The following RNF144B variants were observed in gnomAD, a reference collection of about 807,000 sequenced individuals.
The protein encoded by RNF144B is ring finger protein 144B.
RNF144B carries 25 observed loss-of-function variants against 40.2 expected under a neutral mutation model. The observed-to-expected ratio is 0.62, with a 90% CI of 0.45 to 0.87. The LOEUF (loss-of-function observed/expected upper bound fraction) is 0.87, where lower values mean the gene tolerates loss of function less well. Ranked by LOEUF, RNF144B falls within the 40% of genes least tolerant of loss-of-function variation. RNF144B has a pLI of 0.00. For synonymous variants in RNF144B, 145 were observed against 136.3 expected (o/e 1.06, Z -0.44); for missense variants, 365 against 373.7 (o/e 0.98, Z 0.19).
chr6:18,389,278 A>G (rs1173246668), intron 1 of RNF144B, among the ~76,000 whole-genome samples: 1 of 152,178 alleles, frequency 6.6e-6, no homozygotes, highest in Non-Finnish European at 1.5e-5. Flanking sequence ...TTTTAAAATA[A>G]TCAGTTTTTG....
intron 4 of RNF144B, among the ~76,000 whole-genome samples, chr6:18,453,565 T>C (rs1759262602): frequency 6.6e-6 from 1 of 152,228 alleles, no homozygotes; most frequent in African/African-American, 2.4e-5. Context: ...GTATATTATT[T>C]GCTCACCTAC....
intron 4 of RNF144B, among the ~76,000 whole-genome samples, chr6:18,455,945 C>T (rs367575086): frequency 4.2e-4 from 63 of 151,388 alleles, no homozygotes; most frequent in South Asian, 4.2e-4. Flanking sequence ...TTTTTTGAGA[C>T]GGAGTCTTGC....
In RNF144B at chr6:18,444,492, A is replaced by T. The variant is rs1347236059; in HGVS notation, c.331+4748A>T. On this transcript the variant is annotated intron_variant, in intron 4 of 7. Transcript: ENST00000259939. The surrounding 1 kb of genome is among the most constrained non-coding windows in gnomAD (Gnocchi z 4.3). ...TTTTTTTGAAAATTGGGTTAAGATG[A>T]TCCATCTTGAGTTCTTACGCACTTT... 6.6e-6 allele frequency among the ~76,000 whole-genome samples: 1 copy of T among 152,006 alleles called. No homozygotes were observed. The highest frequency in any genetic ancestry group is 2.4e-5 in the African/African-American group (1 of 41,388).
rs1794918772 is a variant in RNF144B, at chr6:18,406,756, G to A, written c.165+7057G>A. Among the ~76,000 whole-genome samples, 1 of 151,976 alleles carries A rather than the reference G, an allele frequency of 6.6e-6. No individual in the cohort carries two copies. The highest frequency in any genetic ancestry group is 6.6e-5 in the Admixed American group (1 of 15,256). ...GATTGGATGATGCCTGCTCGCAATG[G>A]GGAGGGTAAACTGCTTTACTCAGTT... On this transcript the variant is annotated intron_variant, in intron 2 of 7. Transcript: ENST00000259939. The surrounding 1 kb of genome is among the most constrained non-coding windows in gnomAD (Gnocchi z 4.2).
chr6:18,463,469 C>T, intron 7 of RNF144B, 89 bp downstream of exon 7: 3 of 794,994 alleles, frequency 3.8e-6, no homozygotes, highest in Non-Finnish European at 6.5e-6. Flanking sequence ...TTATTCCCTC[C>T]TGGGAGGTAC....
In RNF144B at chr6:18,411,659, G is replaced by A. The variant is rs138253064; in HGVS notation, c.165+11960G>A. Among the ~76,000 whole-genome samples, 337 of 150,840 alleles carry A rather than the reference G, an allele frequency of 2.2e-3. 6 individuals carry two copies. The highest frequency in any genetic ancestry group is 0.013 in the East Asian group (67 of 5,090). ...GCTGGGATTACAAACATGCGCCACC[G>A]CACCCAACTAATTTTTGTATTTTTA... On this transcript the variant is annotated intron_variant, in intron 2 of 7. Transcript: ENST00000259939.
chr6:18,434,676 C>G lies in RNF144B; in HGVS notation c.271-5008C>G, dbSNP rs1194827339. The stretch of plus-strand genomic sequence containing the variant: ...TTGCTCTGTCGCCCAGGCTGGAATG[C>G]AGTGGTGCGATCTCGGCTCACTGCA... On this transcript the variant is annotated intron_variant, in intron 3 of 7. Transcript: ENST00000259939. This position sits in a 1 kb window ranked among gnomAD's most constrained non-coding sequence, Gnocchi z 4.1. 6.6e-6 allele frequency among the ~76,000 whole-genome samples: 1 copy of G among 152,154 alleles called. No individual in the cohort carries two copies. The highest frequency in any genetic ancestry group is 1.5e-5 in the Non-Finnish European group (1 of 68,026).
At chr6:18,388,907 A>T (rs1183394209) in intron 1 of RNF144B, among the ~76,000 whole-genome samples, 1 of 152,098 alleles carries the variant, frequency 6.6e-6, no homozygotes, top group African/African-American at 2.4e-5. Context: ...TATCTTGATT[A>T]AAAAAAGGTA....
chr6:18,397,354 T>A (rs765210233), intron 1 of RNF144B, among the ~76,000 whole-genome samples: 51 of 152,320 alleles, frequency 3.3e-4, no homozygotes, highest in Admixed American at 1.9e-3. Flanking sequence ...GAAAAGAGCT[T>A]GGTTCTTGTA....
chr6:18,411,027 C>T (rs1795021215), intron 2 of RNF144B, among the ~76,000 whole-genome samples: 1 of 150,782 alleles, frequency 6.6e-6, no homozygotes, highest in Non-Finnish European at 1.5e-5. Context: ...ATTCTGTTGC[C>T]AGGCTGGAGT....
rs890489773 is a variant in RNF144B, at chr6:18,442,584, A to G, written c.331+2840A>G. On this transcript the variant is annotated intron_variant, in intron 4 of 7. Transcript: ENST00000259939. The surrounding 1 kb of genome is among the most constrained non-coding windows in gnomAD (Gnocchi z 4.3). ...TAACATAAAAGTTGCCATTTAAACCATTTTTAGATGTGCAATTCAGTGACA... is the reference window on the plus strand; with the variant it reads ...TAACATAAAAGTTGCCATTTAAACCGTTTTTAGATGTGCAATTCAGTGACA... Among the ~76,000 whole-genome samples, 1 of 152,196 alleles carries G rather than the reference A, an allele frequency of 6.6e-6. No homozygotes were observed. The highest frequency in any genetic ancestry group is 1.5e-5 in the Non-Finnish European group (1 of 68,024).
chr6:18,393,709 T>C (rs1000191176), intron 1 of RNF144B, among the ~76,000 whole-genome samples: 23 of 152,308 alleles, frequency 1.5e-4, no homozygotes, highest in African/African-American at 5.1e-4. Context: ...CTGCTCTTTT[T>C]TTCTGCTTTA....
rs1422736713 is a variant in RNF144B, at chr6:18,446,302, CA to C, written c.331+6559del. Among the ~76,000 whole-genome samples, 2 of 152,130 alleles carry C rather than the reference CA, an allele frequency of 1.3e-5. No individual in the cohort carries two copies. The highest frequency in any genetic ancestry group is 2.9e-5 in the Non-Finnish European group (2 of 68,026). On this transcript the variant is annotated intron_variant, in intron 4 of 7. Transcript: ENST00000259939. This position sits in a 1 kb window ranked among gnomAD's most constrained non-coding sequence, Gnocchi z 4.7. ...TAAAAAACCCAGCTCTTTTACCTTC[CA>C]TTGGCTTTTCCTTGTATCTGCTCTT... is the stretch of plus-strand genomic sequence containing the variant.
At chr6:18,404,714 AGT>A (rs1419511012) in intron 2 of RNF144B, among the ~76,000 whole-genome samples, 2 of 152,176 alleles carry the variant, frequency 1.3e-5, no homozygotes, top group Non-Finnish European at 2.9e-5. Context: ...GGGAAAAAAA[AGT>A]GCCAATACAA....
Position 18,405,242 on chromosome 6 carries a change from C to T in RNF144B, c.165+5543C>T, listed in dbSNP as rs1281529323. 3.3e-5 allele frequency among the ~76,000 whole-genome samples: 5 copies of T among 151,740 alleles called. No individual in the cohort carries two copies. The highest frequency in any genetic ancestry group is 6.6e-5 in the Admixed American group (1 of 15,236). On this transcript the variant is annotated intron_variant, in intron 2 of 7. Transcript: ENST00000259939. This position sits in a 1 kb window ranked among gnomAD's most constrained non-coding sequence, Gnocchi z 4.5. ...AGGCTGGAGTGCAGTGGCACAATCT[C>T]GGCTCACTGTAACTTCCGCCTCCCG...
chr6:18,393,119 CA>C (rs10711336), intron 1 of RNF144B, among the ~76,000 whole-genome samples: 53,224 of 111,238 alleles, frequency 0.48, 9,420 homozygotes, highest in South Asian at 0.57. Context: ...GACTCCATCT[CA>C]AAAAAAAAAA....
chr6:18,463,882 G>C (rs1488095559), intron 7 of RNF144B, among the ~76,000 whole-genome samples: 1 of 152,164 alleles, frequency 6.6e-6, no homozygotes, highest in Non-Finnish European at 1.5e-5. Context: ...ATGGTGGCAG[G>C]CAAGAGAGCT....
At position 18,408,072 on chromosome 6, in the gene RNF144B, C is replaced by T. The variant is rs557186179; in HGVS notation, c.165+8373C>T. 5.8e-4 allele frequency among the ~76,000 whole-genome samples: 87 copies of T among 149,684 alleles called. 2 individuals are homozygous for T. The highest frequency in any genetic ancestry group is 5.4e-3 in the Admixed American group (80 of 14,752). On this transcript the variant is annotated intron_variant, in intron 2 of 7. Transcript: ENST00000259939. The stretch of plus-strand genomic sequence containing the variant: ...CGATCTCAGCTCACTGTGACCTTTG[C>T]CTCCTGGGTTCAAGTGATTCTCCTG...
chr6:18,389,054 C>G (rs1794528090), intron 1 of RNF144B, among the ~76,000 whole-genome samples: 1 of 152,154 alleles, frequency 6.6e-6, no homozygotes, highest in Non-Finnish European at 1.5e-5. Context: ...TTCTCCTACA[C>G]TACTGTGCTG....
Sources: allele counts gnomAD v4.1 joint callset (sites outside exome capture counted in the v4.1 genomes callset), GRCh38; gene constraint gnomAD v4.1.1; non-coding constraint Gnocchi (gnomAD v3.1); transcripts MANE v1.5; gene names NCBI Gene and HGNC (gene_info 2026-07-23, HGNC 2026-07-21).